Variants in AFG1L observed in about 807,000 individuals in gnomAD.
The protein encoded by AFG1L is AFG1-like ATPase.
In AFG1L, 53 loss-of-function variants were observed where a neutral mutation model predicts 62.2. The observed-to-expected ratio is 0.85, with a 90% CI of 0.68 to 1.07. AFG1L has a LOEUF of 1.07. Among genes scored for constraint, AFG1L ranks in the 50% least tolerant of loss-of-function variants. The pLI, the probability that AFG1L is intolerant of heterozygous loss-of-function variation, is 0.00. For synonymous variants in AFG1L, 228 were observed against 210.3 expected, an observed-to-expected ratio of 1.08 and a Z score of -0.73; for missense variants, 555 against 590.5, an observed-to-expected ratio of 0.94 and a Z score of 0.62.
In AFG1L at chr6:108,417,185, G is replaced by A. The variant is rs1453878532; in HGVS notation, c.807+15131G>A. 8.0e-5 allele frequency among the ~76,000 whole-genome samples: 12 copies of A among 150,542 alleles called. 1 individual carries two copies. The East Asian group carries it at 2.4e-3, about 29-fold the overall frequency. On this transcript the variant is annotated intron_variant, in intron 7 of 12. Transcript: ENST00000368977. ...GGAGTTCCAGGCTGCAGTAAGCCAC[G>A]ATTGCACCACTGGATTCCAGCGTGG...
intron 8 of AFG1L, among the ~76,000 whole-genome samples, chr6:108,452,665 A>G (rs1772101472): frequency 6.6e-6 from 1 of 152,218 alleles, no homozygotes; most frequent in Non-Finnish European, 1.5e-5. Context: ...TGCTGACAGA[A>G]GACAACAGAG....
At chr6:108,430,525 A>G (rs1462445184) in intron 7 of AFG1L, among the ~76,000 whole-genome samples, 1 of 152,206 alleles carries the variant, frequency 6.6e-6, no homozygotes, top group Admixed American at 6.5e-5. Context: ...GATTTCAGCT[A>G]CTGCTTCCCA....
chr6:108,384,040 C>A (rs1160733089), intron 6 of AFG1L, among the ~76,000 whole-genome samples: 2 of 138,462 alleles, frequency 1.4e-5, no homozygotes, highest in African/African-American at 5.6e-5. Flanking sequence ...CTCTACACAA[C>A]TATGTGAAGG....
At chr6:108,472,700 G>A (rs971696693) in intron 8 of AFG1L, among the ~76,000 whole-genome samples, 2 of 145,246 alleles carry the variant, frequency 1.4e-5, no homozygotes, top group African/African-American at 5.1e-5. Flanking sequence ...TTTTTTTTGA[G>A]ATGGAATCTC....
At position 108,295,188 on chromosome 6, in the gene AFG1L, G is replaced by T; in HGVS notation, c.109G>T (p.Ala37Ser). The change falls in exon 1 of 13, where the codon GCC (alanine) becomes TCC (serine). Residue 37 changes from alanine to serine, a missense_variant. Ala to Ser is a moderately conservative substitution (Grantham distance 99). Coordinates refer to ENST00000368977, the MANE Select transcript of AFG1L (RefSeq NM_145315.5). ...CTGGGCCGCCGCTCTCGCTCCTCTG[G>T]CCACCGCCCCTGGGAAGCCCTTTTG... Reference protein sequence around the residue: ...GAWAAALAPLATAPGKPFWKA... With the variant: ...GAWAAALAPLSTAPGKPFWKA... The T allele has an allele frequency of 6.2e-7, 1 of 1,606,496 alleles. No individual in the cohort carries two copies.
chr6:108,314,307 C>T (rs1777511276), intron 1 of AFG1L, among the ~76,000 whole-genome samples: 1 of 151,908 alleles, frequency 6.6e-6, no homozygotes, highest in East Asian at 1.9e-4. Context: ...CTTTGCATTC[C>T]TAGTCTTATT....
chr6:108,299,913 A>G (rs1261721942), intron 1 of AFG1L, among the ~76,000 whole-genome samples: 1 of 152,214 alleles, frequency 6.6e-6, no homozygotes, highest in Non-Finnish European at 1.5e-5. Flanking sequence ...GGAAATGTTT[A>G]TAGGTTTTCT....
intron 8 of AFG1L, among the ~76,000 whole-genome samples, chr6:108,455,642 G>T (rs1174381497): frequency 6.6e-6 from 1 of 152,002 alleles, no homozygotes; most frequent in African/African-American, 2.4e-5. Flanking sequence ...AACTTTAGCT[G>T]CATCTCACAT....
intron 10 of AFG1L, among the ~76,000 whole-genome samples, chr6:108,497,360 A>G (rs1279544353): frequency 6.6e-6 from 1 of 152,064 alleles, no homozygotes; most frequent in African/African-American, 2.4e-5. Context: ...TCATTTGTTT[A>G]TTAGCCTCTT....
rs749080992 is a variant in AFG1L at position 108,510,369 on chromosome 6, T to C, written c.1203+17T>C. 6.9e-6 allele frequency: 11 copies of C among 1,589,114 alleles called. No homozygotes were observed. Among genetic ancestry groups the C allele is most frequent in the South Asian group, 4.6e-5 (4 of 86,896 alleles). On this transcript the variant is annotated intron_variant, in intron 11 of 12. Transcript: ENST00000368977. The stretch of plus-strand genomic sequence containing the variant: ...GATCTCAAGGTAAGGATGTAGTACA[T>C]TTTCTTAAAACTAAACACTTTGTAT...
intron 7 of AFG1L, among the ~76,000 whole-genome samples, chr6:108,439,889 T>C (rs1465247888): frequency 1.3e-5 from 2 of 152,130 alleles, no homozygotes; most frequent in Non-Finnish European, 2.9e-5. Flanking sequence ...CACCCTTAAA[T>C]TGTATTCTTA....
Position 108,447,233 on chromosome 6 carries a change from A to G in AFG1L, c.827A>G (p.Gln276Arg), listed in dbSNP as rs757364534. The change falls in exon 8 of 13, where the codon CAG becomes CGG. Residue 276 changes from glutamine (Q) to arginine (R), a missense_variant. By Grantham distance (43) the Gln-to-Arg change is conservative. Transcript: ENST00000368977. ...AVLKEYCNTV[Q>R]LDSGIDYRKR... ...TTGTAGGAATATTGTAATACAGTCC[A>G]GCTAGATTCTGGGATAGATTACCGG... is the stretch of plus-strand genomic sequence containing the variant. 6.2e-7 allele frequency: 1 copy of G among 1,602,776 alleles called. No individual in the cohort carries two copies. The highest frequency in any genetic ancestry group is 8.5e-7 in the Non-Finnish European group (1 of 1,169,946).
intron 8 of AFG1L, among the ~76,000 whole-genome samples, chr6:108,473,304 A>ACATTTT (rs1772976988): frequency 6.6e-6 from 1 of 152,214 alleles, no homozygotes; most frequent in Non-Finnish European, 1.5e-5. Flanking sequence ...TTGATAATAT[A>ACATTTT]GTATATACGA....
intron 7 of AFG1L, among the ~76,000 whole-genome samples, chr6:108,419,373 A>G (rs540262483): frequency 2.0e-5 from 3 of 152,318 alleles, no homozygotes; most frequent in African/African-American, 7.2e-5. Flanking sequence ...TAAATGTTTG[A>G]TGATTAGATT....
At chr6:108,372,577 C>G (rs1426285055) in intron 6 of AFG1L, among the ~76,000 whole-genome samples, 1 of 152,140 alleles carries the variant, frequency 6.6e-6, no homozygotes, top group African/African-American at 2.4e-5. Context: ...ATCCGCCCAC[C>G]TCGGCCTCCC....
chr6:108,422,188 G>A (rs1204144750), intron 7 of AFG1L, among the ~76,000 whole-genome samples: 1 of 151,914 alleles, frequency 6.6e-6, no homozygotes, highest in East Asian at 1.9e-4. Context: ...CTTTGTTTAT[G>A]CAAGAGGCAT....
intron 6 of AFG1L, among the ~76,000 whole-genome samples, chr6:108,395,762 G>C (rs1034317344): frequency 6.7e-6 from 1 of 149,906 alleles, no homozygotes; most frequent in African/African-American, 2.4e-5. Context: ...GAATGACCTT[G>C]AGGGAGGGAG....
chr6:108,400,138 A>T (rs1308777992), intron 6 of AFG1L, among the ~76,000 whole-genome samples: 1 of 152,036 alleles, frequency 6.6e-6, no homozygotes, highest in African/African-American at 2.4e-5. Context: ...AAACAAGGAT[A>T]ATTTGACTGT....
chr6:108,337,473 G>A (rs1778516019), intron 2 of AFG1L, among the ~76,000 whole-genome samples: 1 of 152,200 alleles, frequency 6.6e-6, no homozygotes, highest in African/African-American at 2.4e-5. Flanking sequence ...TGGAAACAAG[G>A]ATTGTTTTCT....
Sources: allele counts gnomAD v4.1 joint callset (sites outside exome capture counted in the v4.1 genomes callset), GRCh38; gene constraint gnomAD v4.1.1; transcripts MANE v1.5; gene names NCBI Gene and HGNC (gene_info 2026-07-23, HGNC 2026-07-21).